TNNT2: variants seen among roughly 807,000 people sequenced by gnomAD.
The protein encoded by TNNT2 is troponin T2, cardiac type.
TNNT2 carries 34 observed loss-of-function variants against 62.4 expected under a neutral mutation model. That is an observed-to-expected ratio of 0.54 (90% confidence interval 0.41 to 0.72). The LOEUF (loss-of-function observed/expected upper bound fraction) is 0.72. Among genes scored for constraint, TNNT2 ranks in the 30% least tolerant of loss-of-function variants. The probability of loss-of-function intolerance (pLI) is 0.00; values close to 1 mark genes in which losing one functional copy is unlikely to be tolerated. For missense variants in TNNT2, 275 were observed against 381.9 expected (o/e 0.72, Z 2.33); for synonymous variants, 123 against 127.2 (o/e 0.97, Z 0.22).
At chr1:201,359,369 C>G (rs753275645) in intron 16 of TNNT2, 114 bp from the exon 17 acceptor site, 59 of 1,335,778 alleles carry the variant, frequency 4.4e-5, no homozygotes, top group Non-Finnish European at 6.2e-5. Context: ...GGAGCTGCCT[C>G]CAGGGGCAGA....
At chr1:201,359,804 G>A in intron 15 of TNNT2, 141 bp from the exon 16 acceptor site, 1 of 788,846 alleles carries the variant, frequency 1.3e-6, no homozygotes, top group Non-Finnish European at 2.2e-6. Context: ...GGAGGGGTTA[G>A]GATAGTTAAG....
intron 2 of TNNT2, among the ~76,000 whole-genome samples, chr1:201,372,465 C>T (rs1660786149): frequency 6.6e-6 from 1 of 152,094 alleles, no homozygotes; most frequent in African/African-American, 2.4e-5. Flanking sequence ...CTAGAAAGTC[C>T]TGCCCTCTCC....
intron 8 of TNNT2, 198 bp from the exon 9 acceptor site, chr1:201,365,868 T>C: frequency 6.9e-7 from 1 of 1,456,460 alleles, no homozygotes; most frequent in Middle Eastern, 2.2e-4. Context: ...CAAAGCTCTT[T>C]CACATATGCT....
intron 10 of TNNT2, 33 bp downstream of exon 10, chr1:201,365,158 A>C: frequency 5.8e-6 from 9 of 1,551,956 alleles, no homozygotes; most frequent in Non-Finnish European, 8.0e-6. Flanking sequence ...CTGGGCCATC[A>C]GAGAATGTTA....
chr1:201,363,148 C>T (rs1028817037), intron 12 of TNNT2, 148 bp downstream of exon 12: 11 of 1,551,400 alleles, frequency 7.1e-6, no homozygotes, highest in Non-Finnish European at 9.6e-6. Context: ...CAGCTCAGGG[C>T]TGGGCATGAG....
intron 6 of TNNT2, 28 bp downstream of exon 6, chr1:201,368,134 G>A (rs375343614): frequency 1.9e-5 from 30 of 1,613,080 alleles, no homozygotes; most frequent in Non-Finnish European, 2.5e-5. Context: ...ACCCCCTGAG[G>A]CCCCTGCACC....
chr1:201,359,781 G>A (rs1245970082), intron 15 of TNNT2, 118 bp from the exon 16 acceptor site: 19 of 879,884 alleles, frequency 2.2e-5, no homozygotes, highest in Non-Finnish European at 3.6e-5. Context: ...AGAAGGAGGA[G>A]CATGGAAGAG....
Position 201,362,311 on chromosome 1 carries a change from G to A in TNNT2, c.609+75C>T, listed in dbSNP as rs1444858067. On this transcript the variant is annotated intron_variant, in intron 13 of 16. Transcript: ENST00000656932. The stretch of plus-strand genomic sequence containing the variant: ...CCAATCTCTTCACTCCTCCCCTCCA[G>A]CAAGGCGCCTTCCCCTCCCAGGGAG... 1.0e-5 allele frequency: 16 copies of A among 1,588,748 alleles called. 1 individual carries two copies. The highest frequency in any genetic ancestry group is 5.3e-5 in the Admixed American group (3 of 56,200).
At position 201,369,853 on chromosome 1, in the gene TNNT2, T is replaced by C. The variant is rs115805892; in HGVS notation, c.68-8A>G. 1.5e-3 allele frequency: 2,431 copies of C among 1,614,128 alleles called. 39 individuals are homozygous for C. The African/African-American group carries it at 0.029, about 19-fold the overall frequency. On this transcript the variant is annotated splice_polypyrimidine_tract_variant and splice_region_variant and intron_variant, in intron 4 of 16. Transcript: ENST00000656932. ...CTCTCCAGTCCTCCTCTTCTGAGGT[T>C]CAGGGAGTGGCCGCAGCGGAGGGGA...
In TNNT2 at chr1:201,373,198, T is replaced by A. The variant is rs370729174; in HGVS notation, c.41+16A>T. 1.3e-5 allele frequency: 21 copies of A among 1,613,900 alleles called. 1 individual carries two copies. The Admixed American group carries it at 2.0e-4, about 15-fold the overall frequency. On this transcript the variant is annotated intron_variant, in intron 2 of 16. Coordinates refer to ENST00000656932, the MANE Select transcript of TNNT2 (RefSeq NM_001276345.2). ...GGGAGAGGACCCCACTCAGGCAAGA[T>A]GCTCCAGATACTCACTCCTCCTCGT...
chr1:201,368,084 G>T (rs2102282445), intron 6 of TNNT2, 78 bp downstream of exon 6: 2 of 1,457,182 alleles, frequency 1.4e-6, no homozygotes, highest in Non-Finnish European at 1.9e-6. Flanking sequence ...GTTCTGGGGG[G>T]TTTCTTACTG....
chr1:201,359,246 G>C lies in TNNT2; in HGVS notation c.861C>G (p.Thr287=), dbSNP rs754211195. ...GCCCGGTGACTTTAGCCTTCCCGCG[G>C]GTCTTGGAGCTGCAGGGGAAGCAGG... The part of the protein sequence containing the change: ...RINDNQKVSK[T]RGKAKVTGRW... The change falls in exon 17 of 17, where the codon ACC becomes ACG. Residue 287 remains threonine, a synonymous_variant. Transcript: ENST00000656932. The C allele has an allele frequency of 1.2e-6, 2 of 1,611,406 alleles. No individual in the cohort carries two copies. Among genetic ancestry groups the C allele is most frequent in the African/African-American group, 2.7e-5 (2 of 75,020 alleles).
chr1:201,365,331 A>G (rs759784104), intron 9 of TNNT2, 24 bp from the exon 10 acceptor site: 7 of 1,592,810 alleles, frequency 4.4e-6, no homozygotes, highest in South Asian at 1.1e-5. Flanking sequence ...GCTGCGGCTC[A>G]GAGGCTGCCA....
chr1:201,370,449 A>C (rs1180665115), intron 4 of TNNT2, among the ~76,000 whole-genome samples: 1 of 152,184 alleles, frequency 6.6e-6, no homozygotes, highest in Non-Finnish European at 1.5e-5. Flanking sequence ...CAGCATTATA[A>C]ATCTAAGGAA....
At chr1:201,367,909 T>C (rs1299211024) in intron 6 of TNNT2, 103 bp from the exon 7 acceptor site, 2 of 1,400,028 alleles carry the variant, frequency 1.4e-6, no homozygotes, top group Non-Finnish European at 2.0e-6. Flanking sequence ...CTAGCCAAGA[T>C]GCACTCTGTT....
rs947596136 is a variant in TNNT2, at chr1:201,363,731, G to A, written c.490-325C>T. 48 of 415,836 alleles carry A rather than the reference G, an allele frequency of 1.2e-4. 1 individual carries two copies. The highest frequency in any genetic ancestry group is 7.7e-4 in the African/African-American group (38 of 49,374). 25.8% of individuals were successfully genotyped at this position (415,836 alleles called of 1,614,324 possible). On this transcript the variant is annotated intron_variant, in intron 11 of 16. Transcript: ENST00000656932. The stretch of plus-strand genomic sequence containing the variant: ...GAGCTACGGGGCCTTCGGTTCCCAC[G>A]AAGTCTGCACTGGGGAAGGGATGAG...
intron 12 of TNNT2, chr1:201,363,066 G>A: frequency 1.0e-6 from 1 of 976,442 alleles, no homozygotes; most frequent in Non-Finnish European, 1.2e-6. Context: ...CACCATTGGT[G>A]CCCCAGGCTC....
At chr1:201,372,997 G>A in intron 2 of TNNT2, 1 of 683,312 alleles carries the variant, frequency 1.5e-6, no homozygotes, top group Non-Finnish European at 2.7e-6. Context: ...CTGAACCTCT[G>A]TGCTTCCCGA....
In TNNT2 at chr1:201,368,681, G is replaced by T. The variant is rs565015703; in HGVS notation, c.98-454C>A. 5.9e-5 allele frequency among the ~76,000 whole-genome samples: 9 copies of T among 152,334 alleles called. No homozygotes were observed. The East Asian group carries it at 1.7e-3, about 29-fold the overall frequency. On this transcript the variant is annotated intron_variant, in intron 5 of 16. Coordinates refer to ENST00000656932, the MANE Select transcript of TNNT2 (RefSeq NM_001276345.2). ...CTTCGTACTATCCAGAAAGTGGGCA[G>T]GATTTTTCTATTTTCATCTATTTGT... is the stretch of plus-strand genomic sequence containing the variant.
Sources: allele counts gnomAD v4.1 joint callset (sites outside exome capture counted in the v4.1 genomes callset), GRCh38; gene constraint gnomAD v4.1.1; transcripts MANE v1.5; gene names NCBI Gene and HGNC (gene_info 2026-07-23, HGNC 2026-07-21).